Variants in CALN1 observed in about 807,000 individuals in gnomAD.
CALN1 encodes the protein calcium-binding protein 8.
A neutral mutation model predicts 30.6 loss-of-function variants in CALN1; 17 were observed. The observed-to-expected ratio is 0.56, with a 90% CI of 0.38 to 0.83. CALN1 has a LOEUF of 0.83. Ranked by LOEUF, CALN1 falls within the 40% of genes least tolerant of loss-of-function variation. The pLI is 0.00. For synonymous variants in CALN1, 156 were observed against 131.4 expected (o/e 1.19, Z -1.28); for missense variants, 291 against 354.9 (o/e 0.82, Z 1.45).
At chr7:72,364,115 A>T (rs77174568) in intron 2 of CALN1, among the ~76,000 whole-genome samples, 2 of 152,326 alleles carry the variant, frequency 1.3e-5, no homozygotes, top group South Asian at 4.1e-4. Context: ...AACTCTTCTA[A>T]GGGACACGAA....
At chr7:71,859,147 C>T (rs1791126192) in intron 5 of CALN1, among the ~76,000 whole-genome samples, 1 of 152,180 alleles carries the variant, frequency 6.6e-6, no homozygotes, top group Non-Finnish European at 1.5e-5. Flanking sequence ...ACTGCAACCT[C>T]TGCCTCCTGG....
intron 4 of CALN1, among the ~76,000 whole-genome samples, chr7:72,091,103 C>T (rs951002871): frequency 1.3e-5 from 2 of 152,036 alleles, no homozygotes; most frequent in African/African-American, 2.4e-5. Flanking sequence ...AGAGGGTGGG[C>T]GGATCACCTG....
chr7:71,798,122 AC>A (rs1187548808), intron 6 of CALN1, among the ~76,000 whole-genome samples: 1 of 70,272 alleles, frequency 1.4e-5, no homozygotes, highest in East Asian at 2.2e-3. Flanking sequence ...AGAGACAGAG[AC>A]AGAGAGAGAG....
At chr7:72,383,222 G>GT (rs1279600221) in intron 2 of CALN1, among the ~76,000 whole-genome samples, 6 of 149,854 alleles carry the variant, frequency 4.0e-5, no homozygotes, top group African/African-American at 1.0e-4. Flanking sequence ...TGCAATGAAC[G>GT]TAACGGTACA....
chr7:72,407,908 A>C (rs926240430), intron 1 of CALN1, among the ~76,000 whole-genome samples: 6 of 152,012 alleles, frequency 3.9e-5, no homozygotes, highest in Admixed American at 3.9e-4. Flanking sequence ...AACACACGGA[A>C]CCGGGGAAGA....
intron 4 of CALN1, among the ~76,000 whole-genome samples, chr7:72,041,300 G>C (rs1192811742): frequency 6.6e-6 from 1 of 152,150 alleles, no homozygotes; most frequent in Non-Finnish European, 1.5e-5. Context: ...GACTGAGAAA[G>C]GGACACTGTG....
chr7:72,295,210 T>TC (rs1798767711), intron 2 of CALN1, among the ~76,000 whole-genome samples: 2 of 152,164 alleles, frequency 1.3e-5, no homozygotes, highest in South Asian at 4.1e-4. Flanking sequence ...TTTATTATAT[T>TC]CCCCTAAATA....
At chr7:72,355,683 T>C (rs1803178962) in intron 2 of CALN1, among the ~76,000 whole-genome samples, 1 of 152,166 alleles carries the variant, frequency 6.6e-6, no homozygotes, top group African/African-American at 2.4e-5. Flanking sequence ...CAAAAATTAT[T>C]CATAATACAT....
rs988484934 is a variant in CALN1 at position 71,862,449 on chromosome 7, G to T, written c.502-51957C>A. Among the ~76,000 whole-genome samples the T allele has an allele frequency of 3.3e-5, 5 of 152,052 alleles. No homozygotes were observed. The East Asian group carries it at 7.7e-4, about 24-fold the overall frequency. ...GAGATCTGATGGTTTTATAAAAGGG[G>T]CTCCTGCACACACCCTCTTGCCTGT... On this transcript the variant is annotated intron_variant, in intron 5 of 6. Transcript: ENST00000395275.
the CALN1 span, among the ~76,000 whole-genome samples, chr7:72,499,891 T>C: frequency 3.6e-5 from 2 of 56,034 alleles, no homozygotes; most frequent in Non-Finnish European, 7.0e-5. Flanking sequence ...CTTTCTTTCT[T>C]TCTTTCTTTC....
chr7:72,190,940 G>A (rs1790551158), intron 3 of CALN1, among the ~76,000 whole-genome samples: 3 of 151,860 alleles, frequency 2.0e-5, no homozygotes, highest in Admixed American at 2.0e-4. Context: ...TTCCTTCATA[G>A]CTATTGTCAA....
chr7:72,086,020 A>T (rs980340051), intron 4 of CALN1, among the ~76,000 whole-genome samples: 1 of 152,178 alleles, frequency 6.6e-6, no homozygotes, highest in Non-Finnish European at 1.5e-5. Context: ...GAGATAAAAA[A>T]ATATATAAAG....
intron 4 of CALN1, among the ~76,000 whole-genome samples, chr7:72,042,442 T>G (rs1802186880): frequency 6.6e-6 from 1 of 152,190 alleles, no homozygotes; most frequent in Non-Finnish European, 1.5e-5. Context: ...TTCACTCCCC[T>G]AACAACGAGT....
intron 3 of CALN1, among the ~76,000 whole-genome samples, chr7:72,197,873 CAAATTAAA>C (rs921550812): frequency 6.6e-6 from 1 of 151,780 alleles, no homozygotes; most frequent in African/African-American, 2.4e-5. Context: ...CAGAAAAATA[CAAATTAAA>C]AATACATAAA....
intron 2 of CALN1, among the ~76,000 whole-genome samples, chr7:72,357,270 A>C (rs1437538549): frequency 2.0e-5 from 3 of 151,860 alleles, no homozygotes; most frequent in African/African-American, 7.3e-5. Context: ...TGCTAACACA[A>C]ACCCCCCGAC....
intron 5 of CALN1, among the ~76,000 whole-genome samples, chr7:71,860,095 T>A (rs1365285263): frequency 1.3e-5 from 2 of 152,128 alleles, no homozygotes; most frequent in Non-Finnish European, 2.9e-5. Flanking sequence ...TCCCAGGATA[T>A]TTTTGCTACC....
the CALN1 span, among the ~76,000 whole-genome samples, chr7:72,499,545 T>C: frequency 1.3e-5 from 2 of 152,096 alleles, no homozygotes; most frequent in African/African-American, 2.4e-5. Context: ...CTATAAATTA[T>C]TCATATTATT....
At chr7:72,310,922 AAAAAAAC>A (rs1245098004) in intron 2 of CALN1, among the ~76,000 whole-genome samples, 2 of 150,658 alleles carry the variant, frequency 1.3e-5, no homozygotes, top group African/African-American at 4.9e-5. Flanking sequence ...AAAAAAAAAA[AAAAAAAC>A]AAAAATAAAG....
rs111349215 is a variant in CALN1 at position 71,843,275 on chromosome 7, A to G, written c.502-32783T>C. Among the ~76,000 whole-genome samples the G allele has an allele frequency of 3.9e-5, 6 of 152,200 alleles. 1 individual carries two copies. The highest frequency in any genetic ancestry group is 9.6e-5 in the African/African-American group (4 of 41,504). ...ATGGAGCACCATCTTGAATTCACAA[A>G]TAAAGAACGAACCAGCCAACTACAT... On this transcript the variant is annotated intron_variant, in intron 5 of 6. Coordinates refer to ENST00000395275, the MANE Select transcript of CALN1 (RefSeq NM_031468.4).
Sources: allele counts gnomAD v4.1 joint callset (sites outside exome capture counted in the v4.1 genomes callset), GRCh38; gene constraint gnomAD v4.1.1; transcripts MANE v1.5; gene names NCBI Gene and HGNC (gene_info 2026-07-23, HGNC 2026-07-21).